GPR107: variants seen among roughly 807,000 people sequenced by gnomAD.
The protein encoded by GPR107 is protein GPR107.
Under a neutral mutation model 75.5 loss-of-function variants are expected in GPR107, and 31 were observed. The observed-to-expected ratio is 0.41, with a 90% confidence interval of 0.31 to 0.55. GPR107 has a LOEUF of 0.55. Among genes scored for constraint, GPR107 ranks in the 20% least tolerant of loss-of-function variants. The pLI is 0.26. For synonymous variants in GPR107, 267 were observed against 251.3 expected, an observed-to-expected ratio of 1.06 and a Z score of -0.59; for missense variants, 572 against 665.7, an observed-to-expected ratio of 0.86 and a Z score of 1.55.
chr9:130,062,458 T>TAATAATAAC (rs1381586407), intron 1 of GPR107, among the ~76,000 whole-genome samples: 4 of 148,580 alleles, frequency 2.7e-5, no homozygotes, highest in African/African-American at 7.4e-5. Context: ...ATAATAATAA[T>TAATAATAAC]AGCACTGAGT....
intron 1 of GPR107, among the ~76,000 whole-genome samples, chr9:130,072,493 A>G (rs867675442): frequency 2.6e-5 from 4 of 152,010 alleles, no homozygotes; most frequent in Admixed American, 6.6e-5. Context: ...TGCCGGGATT[A>G]CAGGTGTGAG....
chr9:130,116,710 A>G lies in GPR107; in HGVS notation c.1307-8205A>G, dbSNP rs139450677. ...ATTATGGCTCTAGAATCGAAGGTAA[A>G]TAGGAGCTGGAAACCTAACAGGCTT... On this transcript the variant is annotated intron_variant, in intron 14 of 17. Transcript: ENST00000347136. Among the ~76,000 whole-genome samples, 18 of 152,260 alleles carry G rather than the reference A, an allele frequency of 1.2e-4. No homozygotes were observed. The East Asian group carries it at 1.4e-3, about 11-fold the overall frequency.
chr9:130,053,917 T>G lies in GPR107; in HGVS notation c.-16T>G, dbSNP rs756970168. The stretch of plus-strand genomic sequence containing the variant: ...CGTGGGCGGGAGAGGAAGCGGCTGG[T>G]GATGCTGGAACAAACATGGCCGCTC... On this transcript the variant is annotated 5_prime_UTR_variant, in exon 1 of 18. Coordinates refer to ENST00000347136, the MANE Select transcript of GPR107 (RefSeq NM_020960.5). 23 of 1,554,370 alleles carry G rather than the reference T, an allele frequency of 1.5e-5. No individual in the cohort carries two copies. The highest frequency in any genetic ancestry group is 2.3e-4 in the Middle Eastern group (1 of 4,376).
At chr9:130,067,313 G>A (rs1183775106) in intron 1 of GPR107, among the ~76,000 whole-genome samples, 2 of 152,186 alleles carry the variant, frequency 1.3e-5, no homozygotes, top group Non-Finnish European at 2.9e-5. Flanking sequence ...TCTGTGATAA[G>A]TCAGAGACTG....
chr9:130,121,509 T>G (rs1831546401), intron 14 of GPR107, among the ~76,000 whole-genome samples: 1 of 152,192 alleles, frequency 6.6e-6, no homozygotes, highest in African/African-American at 2.4e-5. Context: ...TGTCTTAATT[T>G]TTGGCTTTAC....
chr9:130,110,831 T>C (rs1831280476), intron 14 of GPR107, among the ~76,000 whole-genome samples: 1 of 152,206 alleles, frequency 6.6e-6, no homozygotes, highest in African/African-American at 2.4e-5. Flanking sequence ...ATTGGCCCTC[T>C]GTGCCCCCTC....
At chr9:130,102,660 A>T (rs1831063436) in intron 12 of GPR107, among the ~76,000 whole-genome samples, 1 of 152,210 alleles carries the variant, frequency 6.6e-6, no homozygotes, top group Non-Finnish European at 1.5e-5. Context: ...ATGTCCCTGC[A>T]AAATGGTGTT....
At chr9:130,115,744 C>T (rs1296630718) in intron 14 of GPR107, among the ~76,000 whole-genome samples, 1 of 126,194 alleles carries the variant, frequency 7.9e-6, no homozygotes, top group Admixed American at 9.7e-5. Flanking sequence ...GCCTGGGCGA[C>T]AGAGCAAGAC....
At chr9:130,072,225 T>A (rs1169802776) in intron 1 of GPR107, among the ~76,000 whole-genome samples, 1 of 141,102 alleles carries the variant, frequency 7.1e-6, no homozygotes, top group Non-Finnish European at 1.6e-5. Flanking sequence ...TTTATTTAAT[T>A]TTTTTTTTTT....
At position 130,097,146 on chromosome 9, in the gene GPR107, C is replaced by CTTTTCTTTCTTTTTT. The variant is rs1564673041; in HGVS notation, c.864-2307_864-2306insCTTTCTTTTTTTTTT. On this transcript the variant is annotated intron_variant, in intron 9 of 17. Transcript: ENST00000347136. ...TAGTTAATTTCTTTTCTTTACTTTT[C>CTTTTCTTTCTTTTTT]TTTTTTTTCTTTTTTTTTTTTTTTT... Among the ~76,000 whole-genome samples the CTTTTCTTTCTTTTTT allele has an allele frequency of 7.8e-5, 4 of 50,982 alleles. 1 individual carries two copies. Among genetic ancestry groups the CTTTTCTTTCTTTTTT allele is most frequent in the Non-Finnish European group, 4.7e-5 (1 of 21,136 alleles). The allele number at this position is 50,982 out of a possible 152,430, so 33.4% of individuals were successfully genotyped here. A position where few individuals can be genotyped will look rare whatever the true frequency, so the allele number is the denominator to read the frequency against.
chr9:130,082,274 A>C (rs562687362), intron 5 of GPR107, among the ~76,000 whole-genome samples: 1 of 152,310 alleles, frequency 6.6e-6, no homozygotes, highest in Admixed American at 6.5e-5. Context: ...CAGTCTGTCC[A>C]ACTTGACTGC....
Position 130,111,379 on chromosome 9 carries a change from A to G in GPR107, c.1306+3840A>G, listed in dbSNP as rs144877369. ...AACCCCACCTCTAGAAAAAGATACA[A>G]AAATTATCGGGGCTTGATGGCACAC... On this transcript the variant is annotated intron_variant, in intron 14 of 17. Transcript: ENST00000347136. Among the ~76,000 whole-genome samples, 549 of 152,168 alleles carry G rather than the reference A, an allele frequency of 3.6e-3. 5 individuals carry two copies. The highest frequency in any genetic ancestry group is 0.013 in the African/African-American group (524 of 41,564).
chr9:130,106,417 C>G (rs1178183875), intron 13 of GPR107, among the ~76,000 whole-genome samples: 1 of 151,668 alleles, frequency 6.6e-6, no homozygotes, highest in Non-Finnish European at 1.5e-5. Context: ...GCCAACATGG[C>G]AAAACCCCAT....
rs547115680 is a variant in GPR107 at position 130,114,674 on chromosome 9, C to T, written c.1306+7135C>T. ...GGGCTGGGATTACAGGTGTGAGCCA[C>T]TGGACCCATCCTGTTTTACTTTCTG... is the stretch of plus-strand genomic sequence containing the variant. On this transcript the variant is annotated intron_variant, in intron 14 of 17. Transcript: ENST00000347136. 1.6e-4 allele frequency: 171 copies of T among 1,063,790 alleles called. No homozygotes were observed. In the African/African-American group the frequency reaches 2.7e-3, roughly 17 times the overall value. The allele number at this position is 1,063,790 out of a possible 1,614,324, so 65.9% of individuals were successfully genotyped here.
At chr9:130,100,086 G>A (rs546526766) in intron 10 of GPR107, among the ~76,000 whole-genome samples, 57 of 151,572 alleles carry the variant, frequency 3.8e-4, no homozygotes, top group Non-Finnish European at 4.6e-4. Context: ...TAGTAGAGAC[G>A]GGGTTTCACC....
At chr9:130,086,521 C>T (rs980949685) in intron 7 of GPR107, 45 bp downstream of exon 7, 1 of 1,111,606 alleles carries the variant, frequency 9.0e-7, no homozygotes, top group Non-Finnish European at 1.4e-6. Context: ...TTCTCTCTAC[C>T]ATGTAAAAGG....
At chr9:130,120,625 C>G (rs1831525153) in intron 14 of GPR107, among the ~76,000 whole-genome samples, 1 of 152,182 alleles carries the variant, frequency 6.6e-6, no homozygotes, top group South Asian at 2.1e-4. Context: ...GTTCACTGCC[C>G]CATCCACTCC....
rs1424561224 is a variant in GPR107, at chr9:130,137,228, G to C, written c.*2107G>C. ...GAGGTGTCCTCATTTCACATGCTGGGTTTTGCAAGCGAGGAAGCCAGGCAG... is the reference window on the plus strand; with the variant it reads ...GAGGTGTCCTCATTTCACATGCTGGCTTTTGCAAGCGAGGAAGCCAGGCAG... On this transcript the variant is annotated 3_prime_UTR_variant, in exon 18 of 18. Transcript: ENST00000347136. 2 of 152,296 alleles carry C rather than the reference G, an allele frequency of 1.3e-5. No individual in the cohort carries two copies. The highest frequency in any genetic ancestry group is 4.8e-5 in the African/African-American group (2 of 41,456). 9.4% of individuals were successfully genotyped at this position (152,296 alleles called of 1,614,324 possible).
intron 7 of GPR107, among the ~76,000 whole-genome samples, chr9:130,089,038 T>TG (rs1259975118): frequency 6.6e-6 from 1 of 151,100 alleles, no homozygotes; most frequent in Non-Finnish European, 1.5e-5. Flanking sequence ...GTGGTGGTGG[T>TG]GGGCGCCTGT....
Sources: gnomAD v4.1 joint callset for allele counts (sites outside exome capture counted in the v4.1 genomes callset) on GRCh38, gnomAD v4.1.1 for gene constraint, MANE v1.5 for transcripts, NCBI Gene and HGNC (gene_info 2026-07-23, HGNC 2026-07-21) for gene names.